The following OOSP4B variants were observed in gnomAD, a reference collection of about 807,000 sequenced individuals.
OOSP4B encodes oocyte secreted protein family member 4B, also known as oocyte-secreted protein 4B.
chr11:60,030,800 A>C lies in OOSP4B; in HGVS notation c.451-2A>C. 1 of 398,250 alleles carries C rather than the reference A, an allele frequency of 2.5e-6. No individual in the cohort carries two copies. Among genetic ancestry groups the C allele is most frequent in the Non-Finnish European group, 4.4e-6 (1 of 225,856 alleles). The allele number at this position is 398,250 out of a possible 1,614,324, so 24.7% of individuals were successfully genotyped here. ...TAACTGCTTTTCCCCCCTATCCTAC[A>C]GGAGCAACTATCCAAGAAGTCACTG... On this transcript the variant is annotated splice_acceptor_variant, in intron 4 of 4. Coordinates refer to ENST00000642343, the Ensembl canonical transcript of OOSP4B. LOFTEE classifies it high-confidence loss of function.
intron 2 of OOSP4B, among the ~76,000 whole-genome samples, chr11:60,024,366 C>T (rs184245983): frequency 2.6e-5 from 4 of 152,220 alleles, no homozygotes; most frequent in African/African-American, 9.6e-5. Context: ...ATGGTTAAAC[C>T]CAGTCTCTGC....
chr11:60,025,473 T>G (rs1854738917), intron 3 of OOSP4B, among the ~76,000 whole-genome samples: 1 of 152,240 alleles, frequency 6.6e-6, no homozygotes, highest in Admixed American at 6.5e-5. Context: ...AGTTGGTTCC[T>G]GCAGCCACAC....
intron 1 of OOSP4B, among the ~76,000 whole-genome samples, chr11:60,022,805 G>A (rs541411467): frequency 6.6e-6 from 1 of 152,124 alleles, no homozygotes; most frequent in Non-Finnish European, 1.5e-5. Flanking sequence ...GTCACTGTGT[G>A]CCTGATATTG....
intron 1 of OOSP4B, among the ~76,000 whole-genome samples, chr11:60,020,345 A>C (rs1474017192): frequency 2.0e-5 from 3 of 152,064 alleles, no homozygotes; most frequent in Non-Finnish European, 4.4e-5. Context: ...CCGCTGCAGG[A>C]GCCCACGGTG....
downstream of OOSP4B, chr11:60,031,085 G>T: frequency 8.6e-6 from 3 of 349,154 alleles, no homozygotes; most frequent in Non-Finnish European, 1.5e-5. Flanking sequence ...AATAAAGCTT[G>T]CCCATACCCA....
At chr11:60,027,655 T>TAAAAAAAAAAAAAAAAAAAACA (rs1854757266) in intron 3 of OOSP4B, among the ~76,000 whole-genome samples, 1 of 62,222 alleles carries the variant, frequency 1.6e-5, no homozygotes, top group African/African-American at 4.6e-5. Context: ...GCTATGATAT[T>TAAAAAAAAAAAAAAAAAAAACA]AAAAAAAAAA....
intron 1 of OOSP4B, among the ~76,000 whole-genome samples, chr11:60,019,024 C>A (rs1252248220): frequency 2.6e-5 from 4 of 152,016 alleles, no homozygotes; most frequent in African/African-American, 9.7e-5. Context: ...CGAGACCAGC[C>A]TGACCAATAT....
intron 1 of OOSP4B, among the ~76,000 whole-genome samples, chr11:60,018,885 A>C (rs1396703085): frequency 1.3e-5 from 2 of 152,284 alleles, no homozygotes; most frequent in African/African-American, 4.8e-5. Context: ...ACATTAGACG[A>C]ATCTAGGGAA....
At chr11:60,023,482 T>A (rs1854714503) in intron 1 of OOSP4B, among the ~76,000 whole-genome samples, 1 of 152,250 alleles carries the variant, frequency 6.6e-6, no homozygotes, top group South Asian at 2.1e-4. Context: ...TTGCCCAGGC[T>A]GGAGTGCAGT....
exon 1 of OOSP4B, chr11:60,017,241 T>C (rs972100011): frequency 1.8e-5 from 7 of 396,330 alleles, no homozygotes; most frequent in Non-Finnish European, 3.1e-5. Flanking sequence ...ATGGGCCATG[T>C]TTTGAGAAGA....
intron 1 of OOSP4B, among the ~76,000 whole-genome samples, chr11:60,020,691 C>T (rs1854682452): frequency 6.6e-6 from 1 of 152,250 alleles, no homozygotes; most frequent in African/African-American, 2.4e-5. Context: ...CTAAAGGGCT[C>T]CTCAAGCGGC....
At chr11:60,022,819 A>C (rs1206287241) in intron 1 of OOSP4B, among the ~76,000 whole-genome samples, 3 of 152,182 alleles carry the variant, frequency 2.0e-5, no homozygotes, top group Non-Finnish European at 4.4e-5. Flanking sequence ...GATATTGTAA[A>C]AATGTTCCTA....
chr11:60,025,156 G>T (rs1854735240), intron 3 of OOSP4B, among the ~76,000 whole-genome samples, 151 bp downstream of exon 3: 2 of 152,154 alleles, frequency 1.3e-5, no homozygotes, highest in South Asian at 4.1e-4. Context: ...ATGTTCAAAT[G>T]TACAGAATTG....
chr11:60,018,986 G>A (rs1167957320), intron 1 of OOSP4B, among the ~76,000 whole-genome samples: 4 of 152,222 alleles, frequency 2.6e-5, no homozygotes, highest in Non-Finnish European at 5.9e-5. Flanking sequence ...GGAAGCCGAG[G>A]CAGGCAGATC....
intron 1 of OOSP4B, among the ~76,000 whole-genome samples, chr11:60,019,280 T>A (rs1429728070): frequency 6.6e-6 from 1 of 152,032 alleles, no homozygotes. Context: ...TTGGGAGGCC[T>A]AGGCAAGAAG....
chr11:60,030,190 A>G (rs568905692), intron 4 of OOSP4B, among the ~76,000 whole-genome samples: 10 of 152,314 alleles, frequency 6.6e-5, no homozygotes, highest in African/African-American at 2.2e-4. Flanking sequence ...CATTTTCAAT[A>G]TAGCCTGTGA....
Position 60,024,802 on chromosome 11 carries a change from ATGTAAAATGCC to A in OOSP4B, c.205-105_205-95del, listed in dbSNP as rs1396712322. ...CTACTATTTTATATCTGTTAAATTA[ATGTAAAATGCC>A]ATTTCCGGATTTTCCTAAAGCAGAT... On this transcript the variant is annotated intron_variant, in intron 2 of 4. Transcript: ENST00000642343. 75 of 395,298 alleles carry A rather than the reference ATGTAAAATGCC, an allele frequency of 1.9e-4. No homozygotes were observed. The South Asian group carries it at 2.0e-3, about 10-fold the overall frequency. The allele number at this position is 395,298 out of a possible 1,614,324, so 24.5% of individuals were successfully genotyped here. A position where few individuals can be genotyped will look rare whatever the true frequency, so the allele number is the denominator to read the frequency against.
At chr11:60,026,104 C>T (rs771462195) in intron 3 of OOSP4B, among the ~76,000 whole-genome samples, 8 of 152,070 alleles carry the variant, frequency 5.3e-5, no homozygotes, top group Non-Finnish European at 1.2e-4. Context: ...TCGCCCCAGT[C>T]CCCACATTGC....
intron 1 of OOSP4B, among the ~76,000 whole-genome samples, chr11:60,021,016 A>G (rs1261085335): frequency 1.3e-5 from 2 of 152,254 alleles, no homozygotes; most frequent in Non-Finnish European, 2.9e-5. Flanking sequence ...AACGTCTTCC[A>G]TCCTTGCACT....
Sources: gnomAD v4.1 joint callset for allele counts (sites outside exome capture counted in the v4.1 genomes callset) on GRCh38, gnomAD v4.1.1 for gene constraint, MANE v1.5 for transcripts, NCBI Gene and HGNC (gene_info 2026-07-23, HGNC 2026-07-21) for gene names.